RNF152: variants seen among roughly 807,000 people sequenced by gnomAD.
RNF152 encodes E3 ubiquitin-protein ligase RNF152.
A neutral mutation model predicts 12.7 loss-of-function variants in RNF152; 11 were observed. The observed-to-expected ratio is 0.86, with a 90% confidence interval of 0.54 to 1.43. The LOEUF is 1.43. RNF152 is among the 40% of genes most tolerant of loss of function. The probability of loss-of-function intolerance (pLI) is 0.00; values close to 1 mark genes in which losing one functional copy is unlikely to be tolerated. For missense variants in RNF152, 255 were observed against 274.8 expected (o/e 0.93, Z 0.51); for synonymous variants, 113 against 120.3 (o/e 0.94, Z 0.40).
At chr18:61,817,116 G>A (rs938251251) in intron 1 of RNF152, among the ~76,000 whole-genome samples, 5 of 152,138 alleles carry the variant, frequency 3.3e-5, no homozygotes, top group Non-Finnish European at 1.5e-5. Flanking sequence ...TTACATATAT[G>A]GGTTAGGATT....
intron 1 of RNF152, among the ~76,000 whole-genome samples, chr18:61,840,066 C>T (rs920561423): frequency 4.6e-5 from 7 of 152,172 alleles, no homozygotes; most frequent in Non-Finnish European, 7.3e-5. Flanking sequence ...ATCACTGCTC[C>T]CATGCATGCC....
chr18:61,886,587 C>T (rs1474374343), intron 1 of RNF152, among the ~76,000 whole-genome samples: 2 of 152,214 alleles, frequency 1.3e-5, no homozygotes, highest in Non-Finnish European at 2.9e-5. Context: ...CACAGGCCCC[C>T]TTGGAAGGAA....
intron 1 of RNF152, among the ~76,000 whole-genome samples, chr18:61,872,108 G>A (rs981036478): frequency 6.6e-6 from 1 of 152,274 alleles, no homozygotes; most frequent in Admixed American, 6.5e-5. Context: ...AGGCAAAATG[G>A]GAACAGGCAT....
intron 1 of RNF152, among the ~76,000 whole-genome samples, chr18:61,839,549 T>C (rs769266842): frequency 7.9e-5 from 12 of 152,174 alleles, no homozygotes; most frequent in Non-Finnish European, 1.5e-4. Flanking sequence ...TGTGTTGTAG[T>C]AACTTTGATC....
At chr18:61,879,521 C>T (rs4941076) in intron 1 of RNF152, among the ~76,000 whole-genome samples, 6,752 of 151,834 alleles carry the variant, frequency 0.044, 217 homozygotes, top group Middle Eastern at 0.061. Context: ...CTGTGTTTTG[C>T]GGGAGGGCAG....
At chr18:61,873,078 C>T (rs1243468334) in intron 1 of RNF152, among the ~76,000 whole-genome samples, 3 of 152,134 alleles carry the variant, frequency 2.0e-5, no homozygotes, top group Non-Finnish European at 4.4e-5. Context: ...CCGGTTCTGC[C>T]ACTTGCTAGC....
intron 1 of RNF152, among the ~76,000 whole-genome samples, chr18:61,822,542 T>C (rs920847010): frequency 6.6e-6 from 1 of 152,216 alleles, no homozygotes; most frequent in Non-Finnish European, 1.5e-5. Flanking sequence ...TCTCCAACAT[T>C]GAATTTTTAT....
At chr18:61,879,539 G>A (rs1176093909) in intron 1 of RNF152, among the ~76,000 whole-genome samples, 1 of 152,098 alleles carries the variant, frequency 6.6e-6, no homozygotes, top group Non-Finnish European at 1.5e-5. Context: ...CAGAGAGGAA[G>A]GATAGGGAGA....
At chr18:61,866,877 G>A (rs1568287061) in intron 1 of RNF152, among the ~76,000 whole-genome samples, 1 of 151,892 alleles carries the variant, frequency 6.6e-6, no homozygotes, top group Non-Finnish European at 1.5e-5. Context: ...AATCATCAGT[G>A]AAACTTTAAA....
Position 61,815,832 on chromosome 18 carries a change from A to C in RNF152, c.*20T>G, listed in dbSNP as rs752453917. 2 of 1,606,552 alleles carry C rather than the reference A, an allele frequency of 1.2e-6. No individual in the cohort carries two copies. Among genetic ancestry groups the C allele is most frequent in the South Asian group, 2.2e-5 (2 of 90,420 alleles). On this transcript the variant is annotated 3_prime_UTR_variant, in exon 2 of 2. Transcript: ENST00000312828. The stretch of plus-strand genomic sequence containing the variant: ...CAACCCCTAAGTTGGCACCCACAAG[A>C]GACTTCCCTGCAGCCCTCTTCAGCC...
upstream of RNF152, chr18:61,893,598 ACCC>A (rs1400560142): frequency 2.0e-5 from 3 of 151,924 alleles, no homozygotes; most frequent in African/African-American, 7.3e-5. Context: ...TGCACAAAAG[ACCC>A]CCAACATCTG....
At chr18:61,818,244 G>A (rs1909209201) in intron 1 of RNF152, among the ~76,000 whole-genome samples, 2 of 152,140 alleles carry the variant, frequency 1.3e-5, no homozygotes, top group Admixed American at 6.5e-5. Flanking sequence ...GCAACATGGT[G>A]AAACCCTATC....
intron 1 of RNF152, among the ~76,000 whole-genome samples, chr18:61,880,858 C>T (rs1238044881): frequency 6.6e-6 from 1 of 151,746 alleles, no homozygotes; most frequent in East Asian, 1.9e-4. Context: ...TACCCTTATT[C>T]TTCTCTTTAC....
Position 61,869,759 on chromosome 18 carries a change from G to GCA in RNF152, c.-136+23034_-136+23035dup, listed in dbSNP as rs912146638. ...ACTGAGTGGGCACACACACACGCAC[G>GCA]CACACACATGCACACACCCGGAAGC... is the stretch of plus-strand genomic sequence containing the variant. On this transcript the variant is annotated intron_variant, in intron 1 of 1. Transcript: ENST00000312828. 3.0e-4 allele frequency among the ~76,000 whole-genome samples: 45 copies of GCA among 152,214 alleles called. 1 individual carries two copies. Among genetic ancestry groups the GCA allele is most frequent in the African/African-American group, 9.6e-4 (40 of 41,528 alleles).
At chr18:61,882,559 G>A (rs1912508667) in intron 1 of RNF152, among the ~76,000 whole-genome samples, 2 of 152,210 alleles carry the variant, frequency 1.3e-5, no homozygotes, top group Non-Finnish European at 2.9e-5. Context: ...ATTTGCTAAG[G>A]TTCCAAGGAG....
intron 1 of RNF152, among the ~76,000 whole-genome samples, chr18:61,891,881 C>A (rs1458639713): frequency 6.6e-6 from 1 of 152,186 alleles, no homozygotes; most frequent in East Asian, 1.9e-4. Context: ...GCCTTTGGCC[C>A]TCAGCAATCT....
In RNF152 at chr18:61,879,075, C is replaced by T. The variant is rs1447059176; in HGVS notation, c.-136+13720G>A. 5.3e-5 allele frequency among the ~76,000 whole-genome samples: 8 copies of T among 152,248 alleles called. No homozygotes were observed. The South Asian group carries it at 8.3e-4, about 16-fold the overall frequency. ...GACAAGTAAAATGGGAACAAAGTATCGAAGAAAGTACAGTCTGCCCTCCAT... is the reference window on the plus strand; with the variant it reads ...GACAAGTAAAATGGGAACAAAGTATTGAAGAAAGTACAGTCTGCCCTCCAT... On this transcript the variant is annotated intron_variant, in intron 1 of 1. Transcript: ENST00000312828.
intron 1 of RNF152, among the ~76,000 whole-genome samples, chr18:61,871,940 G>T (rs1483444378): frequency 6.6e-6 from 1 of 152,170 alleles, no homozygotes; most frequent in African/African-American, 2.4e-5. Context: ...CAGTATATGG[G>T]TCAATTCTCA....
At chr18:61,842,274 A>G (rs577153195) in intron 1 of RNF152, among the ~76,000 whole-genome samples, 9 of 152,360 alleles carry the variant, frequency 5.9e-5, no homozygotes, top group Non-Finnish European at 1.2e-4. Context: ...TCCACATTAT[A>G]AACATTTCCT....
Sources: allele counts gnomAD v4.1 joint callset (sites outside exome capture counted in the v4.1 genomes callset), GRCh38; gene constraint gnomAD v4.1.1; transcripts MANE v1.5; gene names NCBI Gene and HGNC (gene_info 2026-07-23, HGNC 2026-07-21).